The following USP15 variants were observed in gnomAD, a reference collection of about 807,000 sequenced individuals.
USP15 encodes ubiquitin specific peptidase 15, also known as ubiquitin carboxyl-terminal hydrolase 15.
Under a neutral mutation model 127.1 loss-of-function variants are expected in USP15, and 18 were observed. That is an observed-to-expected ratio of 0.14 (90% CI 0.10 to 0.21). The LOEUF is 0.21. USP15 is among the 10% of genes least tolerant of loss of function. The pLI, the probability that USP15 is intolerant of heterozygous loss-of-function variation, is 1.00. For missense variants in USP15, 805 were observed against 1,159.9 expected, an observed-to-expected ratio of 0.69 and a Z score of 4.44; for synonymous variants, 364 against 393.7, an observed-to-expected ratio of 0.92 and a Z score of 0.89.
At chr12:62,310,002 A>G (rs2064612226) in intron 3 of USP15, among the ~76,000 whole-genome samples, 1 of 151,982 alleles carries the variant, frequency 6.6e-6, no homozygotes, top group Admixed American at 6.6e-5. Context: ...AATCTTGTAA[A>G]AGAAGATACA....
At chr12:62,338,941 T>C (rs1239809306) in intron 6 of USP15, among the ~76,000 whole-genome samples, 1 of 152,214 alleles carries the variant, frequency 6.6e-6, no homozygotes, top group African/African-American at 2.4e-5. Context: ...TAGGACTGTC[T>C]TGGCTATACA....
At chr12:62,345,034 A>G (rs569903331) in intron 6 of USP15, among the ~76,000 whole-genome samples, 1 of 152,152 alleles carries the variant, frequency 6.6e-6, no homozygotes, top group East Asian at 1.9e-4. Flanking sequence ...CATTTTCCCC[A>G]TTGTCTTGGG....
chr12:62,386,077 T>C (rs931708768), intron 11 of USP15, among the ~76,000 whole-genome samples: 1 of 151,998 alleles, frequency 6.6e-6, no homozygotes, highest in South Asian at 2.1e-4. Context: ...CATTGACTTA[T>C]CACTTTTCTC....
chr12:62,323,704 A>T (rs1393373224), intron 5 of USP15, among the ~76,000 whole-genome samples: 5 of 152,104 alleles, frequency 3.3e-5, no homozygotes, highest in African/African-American at 9.7e-5. Flanking sequence ...CCAAAAGTAC[A>T]ATTTGAAATC....
intron 6 of USP15, among the ~76,000 whole-genome samples, chr12:62,346,137 A>G (rs892243561): frequency 3.9e-5 from 6 of 152,246 alleles, no homozygotes; most frequent in Non-Finnish European, 5.9e-5. Context: ...ATAACTACAC[A>G]AGCTTTTCCT....
chr12:62,328,359 A>G (rs1385263530), intron 6 of USP15: 1 of 443,142 alleles, frequency 2.3e-6, no homozygotes, highest in African/African-American at 2.0e-5. Flanking sequence ...AGCCTTAGAC[A>G]TCATGTCAAG....
chr12:62,293,544 C>T (rs571679543), intron 1 of USP15, among the ~76,000 whole-genome samples: 24 of 152,158 alleles, frequency 1.6e-4, no homozygotes, highest in African/African-American at 4.3e-4. Flanking sequence ...TTAGTAGAGA[C>T]GGGGTTTCAC....
rs60662550 is a variant in USP15 at position 62,266,000 on chromosome 12, G to C, written c.89+5497G>C. Among the ~76,000 whole-genome samples the C allele has an allele frequency of 3.9e-5, 6 of 152,256 alleles. No homozygotes were observed. The East Asian group carries it at 1.2e-3, about 29-fold the overall frequency. On this transcript the variant is annotated intron_variant, in intron 1 of 21. Coordinates refer to ENST00000280377, the MANE Select transcript of USP15 (RefSeq NM_001252078.2). ...TCTTGTGACTGTTCAGTTTAGATAT[G>C]ATAGAACATGTAGGAAATCTTAACA...
intron 8 of USP15, among the ~76,000 whole-genome samples, chr12:62,378,160 T>G (rs1443076133): frequency 6.6e-6 from 1 of 151,788 alleles, no homozygotes; most frequent in Non-Finnish European, 1.5e-5. Context: ...TGAGCCAAGA[T>G]TGTGCCACTG....
intron 1 of USP15, among the ~76,000 whole-genome samples, chr12:62,265,246 C>G (rs1429645018): frequency 6.6e-6 from 1 of 152,132 alleles, no homozygotes; most frequent in Non-Finnish European, 1.5e-5. Context: ...GGTTTTGTGA[C>G]AGTTAACAAT....
chr12:62,350,248 AAAATT>A (rs928675489), intron 7 of USP15, among the ~76,000 whole-genome samples: 4 of 152,048 alleles, frequency 2.6e-5, no homozygotes, highest in African/African-American at 4.8e-5. Context: ...AATAATCTTT[AAAATT>A]AAAACACCAA....
chr12:62,267,259 G>A (rs2063215932), intron 1 of USP15: 1 of 152,060 alleles, frequency 6.6e-6, no homozygotes, highest in South Asian at 2.1e-4. Flanking sequence ...TTAAACAGGG[G>A]AATGTAGATC....
chr12:62,336,103 T>A, intron 6 of USP15: 1 of 985,424 alleles, frequency 1.0e-6, no homozygotes, highest in Non-Finnish European at 1.2e-6. Context: ...AGACCTTAAA[T>A]GCATTGACAT....
At chr12:62,357,202 T>A (rs1488849025) in intron 8 of USP15, among the ~76,000 whole-genome samples, 1 of 152,106 alleles carries the variant, frequency 6.6e-6, no homozygotes, top group African/African-American at 2.4e-5. Context: ...TGGGCCAGCA[T>A]TCAGACTAAA....
rs573111161 is a variant in USP15, at chr12:62,317,771, T to C, written c.475+2855T>C. 1.2e-4 allele frequency among the ~76,000 whole-genome samples: 19 copies of C among 152,334 alleles called. No individual in the cohort carries two copies. The South Asian group carries it at 2.7e-3, about 22-fold the overall frequency. On this transcript the variant is annotated intron_variant, in intron 4 of 21. Transcript: ENST00000280377. ...TCAGCTAGTACTACCTACACTGATA[T>C]ATAGTAAAAATGATAGCAGGCCATA...
chr12:62,316,007 G>A (rs557184002), intron 4 of USP15, among the ~76,000 whole-genome samples: 25 of 152,084 alleles, frequency 1.6e-4, no homozygotes, highest in African/African-American at 5.1e-4. Flanking sequence ...ATAGTTGGCC[G>A]GACGCAGTGG....
intron 1 of USP15, among the ~76,000 whole-genome samples, chr12:62,273,715 T>TTG (rs2063403989): frequency 1.3e-5 from 2 of 152,072 alleles, no homozygotes; most frequent in African/African-American, 2.4e-5. Context: ...GGTAGTGTTT[T>TTG]TGTGTGTGTG....
At chr12:62,305,407 A>G (rs1024523982) in intron 3 of USP15, among the ~76,000 whole-genome samples, 2 of 152,198 alleles carry the variant, frequency 1.3e-5, no homozygotes, top group African/African-American at 4.8e-5. Flanking sequence ...GTTAAAAGAA[A>G]ATAACTGCCA....
At chr12:62,289,366 C>G (rs1409665878) in intron 1 of USP15, among the ~76,000 whole-genome samples, 5 of 152,094 alleles carry the variant, frequency 3.3e-5, no homozygotes, top group African/African-American at 1.2e-4. Flanking sequence ...TTACCCACTT[C>G]CTCTAGGTTT....
Sources: gnomAD v4.1 joint callset for allele counts (sites outside exome capture counted in the v4.1 genomes callset) on GRCh38, gnomAD v4.1.1 for gene constraint, MANE v1.5 for transcripts, NCBI Gene and HGNC (gene_info 2026-07-23, HGNC 2026-07-21) for gene names.